CD276: variants seen among roughly 807,000 people sequenced by gnomAD.
The protein encoded by CD276 is CD276 molecule, also known as CD276 antigen.
CD276 carries 34 observed loss-of-function variants against 50.0 expected under a neutral mutation model. The observed-to-expected ratio is 0.68, with a 90% CI of 0.52 to 0.91. The LOEUF (loss-of-function observed/expected upper bound fraction) is 0.91, where lower values mean the gene tolerates loss of function less well. CD276 is among the 40% of genes least tolerant of loss of function. The probability of loss-of-function intolerance (pLI) is 0.00; values close to 1 mark genes in which losing one functional copy is unlikely to be tolerated. For synonymous variants in CD276, 275 were observed against 313.0 expected, an observed-to-expected ratio of 0.88 and a Z score of 1.28; for missense variants, 634 against 717.5, an observed-to-expected ratio of 0.88 and a Z score of 1.33.
At position 73,702,954 on chromosome 15, in the gene CD276, T is replaced by C; in HGVS notation, c.601T>C (p.Leu201=). ...GTCGCAGATGGCCAACGAGCAGGGCTTGTTTGATGTGCACAGCATCCTGCG... is the reference window on the plus strand; with the variant it reads ...GTCGCAGATGGCCAACGAGCAGGGCCTGTTTGATGTGCACAGCATCCTGCG... ...TTSQMANEQG[L]FDVHSILRVV... Residue 201 remains leucine, a synonymous_variant, in exon 4 of 10, where the codon TTG becomes CTG. Coordinates refer to ENST00000318443, the MANE Select transcript of CD276 (RefSeq NM_001024736.2). The C allele has an allele frequency of 1.2e-6, 2 of 1,614,124 alleles. No homozygotes were observed. Among genetic ancestry groups the C allele is most frequent in the South Asian group, 2.2e-5 (2 of 91,072 alleles).
intron 1 of CD276, among the ~76,000 whole-genome samples, chr15:73,696,501 C>CA (rs1900184094): frequency 6.6e-6 from 1 of 151,942 alleles, no homozygotes; most frequent in Non-Finnish European, 1.5e-5. Context: ...TCTGGGCTGT[C>CA]AAACTGCTTC....
At chr15:73,708,737 C>A in intron 7 of CD276, 1 of 501,120 alleles carries the variant, frequency 2.0e-6, no homozygotes, top group Non-Finnish European at 3.6e-6. Context: ...AGGCCAAGTG[C>A]TACAAAGGGA....
rs751833994 is a variant in CD276, at chr15:73,702,488, G to T, written c.313G>T (p.Ala105Ser). Reference protein sequence around the residue: ...LFPDLLAQGNASLRLQRVRVA... With the variant: ...LFPDLLAQGNSSLRLQRVRVA... ...CCCGGACCTGCTGGCACAGGGCAAC[G>T]CATCCCTGAGGCTGCAGCGCGTGCG... is the stretch of plus-strand genomic sequence containing the variant. Residue 105 changes from alanine to serine, a missense_variant, in exon 3 of 10, where the codon GCA becomes TCA. Physicochemically the swap from Ala to Ser is moderately conservative, Grantham distance 99. Coordinates refer to ENST00000318443, the MANE Select transcript of CD276 (RefSeq NM_001024736.2). The T allele has an allele frequency of 6.2e-6, 10 of 1,613,404 alleles. No homozygotes were observed. The Admixed American group carries it at 1.7e-4, about 27-fold the overall frequency.
intron 1 of CD276, among the ~76,000 whole-genome samples, chr15:73,689,227 T>C (rs1169606660): frequency 6.6e-6 from 1 of 150,838 alleles, no homozygotes; most frequent in African/African-American, 2.4e-5. Flanking sequence ...TGTGTGTGTG[T>C]GTACACATTT....
intron 7 of CD276, 65 bp downstream of exon 7, chr15:73,708,538 C>A: frequency 6.5e-7 from 1 of 1,533,580 alleles, no homozygotes; most frequent in South Asian, 1.2e-5. Flanking sequence ...ATGTTGCTGT[C>A]TTTGATGTCA....
At chr15:73,686,488 T>C (rs1216088746) in intron 1 of CD276, among the ~76,000 whole-genome samples, 1 of 152,188 alleles carries the variant, frequency 6.6e-6, no homozygotes, top group Non-Finnish European at 1.5e-5. Context: ...GAAAGGACAG[T>C]TATAGAAGTG....
Position 73,687,125 on chromosome 15 carries a change from G to A in CD276, c.-55+2665G>A, listed in dbSNP as rs949171012. Reference sequence around the variant, plus strand: ...CTCAGAATGGACCCCACACCTGGAAGGGGGCCACGTGTACAGTTATGCAAC... The same window carrying A: ...CTCAGAATGGACCCCACACCTGGAAAGGGGCCACGTGTACAGTTATGCAAC... On this transcript the variant is annotated intron_variant, in intron 1 of 9. Transcript: ENST00000318443. The surrounding 1 kb of genome is among the most constrained non-coding windows in gnomAD (Gnocchi z 4.0). Among the ~76,000 whole-genome samples, 4 of 152,160 alleles carry A rather than the reference G, an allele frequency of 2.6e-5. No individual in the cohort carries two copies. In the South Asian group the frequency reaches 8.3e-4, roughly 32 times the overall value.
At chr15:73,688,836 C>A (rs1354476765) in intron 1 of CD276, among the ~76,000 whole-genome samples, 3 of 152,186 alleles carry the variant, frequency 2.0e-5, no homozygotes, top group African/African-American at 7.2e-5. Flanking sequence ...TAAGCTGAGC[C>A]TCTTTCAGGG....
rs918895056 is a variant in CD276, at chr15:73,699,514, A to G, written c.-54-72A>G. 2.6e-6 allele frequency: 4 copies of G among 1,528,698 alleles called. No individual in the cohort carries two copies. In the African/African-American group the frequency reaches 4.1e-5, roughly 16 times the overall value. 94.7% of individuals were successfully genotyped at this position (1,528,698 alleles called of 1,614,324 possible). On this transcript the variant is annotated intron_variant, in intron 1 of 9. Transcript: ENST00000318443. ...GTTGCAGCCTTCCCCACTCTGGTCC[A>G]GGAGAGATGAGGCAAGAGATGGTCT...
rs1271465785 is a variant in CD276, at chr15:73,712,998, AC to A, written c.*45del. Reference sequence around the variant, plus strand: ...GCTGCTACCCCTCCCTACAGCTCCTACCCTCTGGCTGCAATGGGGCTGCACT... The same window carrying A: ...GCTGCTACCCCTCCCTACAGCTCCTACCTCTGGCTGCAATGGGGCTGCACT... On this transcript the variant is annotated 3_prime_UTR_variant, in exon 10 of 10. Coordinates refer to ENST00000318443, the MANE Select transcript of CD276 (RefSeq NM_001024736.2). The A allele has an allele frequency of 6.3e-7, 1 of 1,599,392 alleles. No homozygotes were observed. The highest frequency in any genetic ancestry group is 2.2e-5 in the East Asian group (1 of 44,730).
In CD276 at chr15:73,714,501, T is replaced by C. The variant is rs1901048930; in HGVS notation, c.*1545T>C. The C allele has an allele frequency of 6.6e-6, 1 of 152,302 alleles. No individual in the cohort carries two copies. The highest frequency in any genetic ancestry group is 6.5e-5 in the Admixed American group (1 of 15,286). The allele number at this position is 152,302 out of a possible 1,614,324, so 9.4% of individuals were successfully genotyped here. A position where few individuals can be genotyped will look rare whatever the true frequency, so the allele number is the denominator to read the frequency against. On this transcript the variant is annotated 3_prime_UTR_variant, in exon 10 of 10. Transcript: ENST00000318443. ...GGGGGTATATTTTGGGGAAAATAAA[T>C]GTCTTTGTAAAAAGCTTTTTCTCTG...
At chr15:73,712,701 G>T (rs989749706) in intron 9 of CD276, among the ~76,000 whole-genome samples, 3 of 152,166 alleles carry the variant, frequency 2.0e-5, no homozygotes, top group Non-Finnish European at 2.9e-5. Flanking sequence ...CTGAGAGGGG[G>T]CTGCGTGAGG....
At chr15:73,707,971 C>G (rs1320608278) in intron 6 of CD276, among the ~76,000 whole-genome samples, 1 of 152,238 alleles carries the variant, frequency 6.6e-6, no homozygotes, top group Non-Finnish European at 1.5e-5. Context: ...GAAGCTGAGG[C>G]TCCTACAGTA....
chr15:73,709,161 CT>C (rs1325327395), intron 7 of CD276, among the ~76,000 whole-genome samples: 1 of 151,884 alleles, frequency 6.6e-6, no homozygotes, highest in Non-Finnish European at 1.5e-5. Context: ...TTGGTTACAT[CT>C]GTTGGAGGTT....
At chr15:73,698,572 A>G (rs1179387653) in intron 1 of CD276, among the ~76,000 whole-genome samples, 2 of 151,522 alleles carry the variant, frequency 1.3e-5, no homozygotes, top group Non-Finnish European at 2.9e-5. Context: ...TTTTATTTTT[A>G]TTTTTTGAGA....
intron 1 of CD276, chr15:73,684,667 C>T (rs1216124561): frequency 1.3e-5 from 2 of 152,210 alleles, no homozygotes; most frequent in Admixed American, 6.5e-5. Flanking sequence ...CGCGGGCGCC[C>T]CTCCTGCCCT....
intron 6 of CD276, among the ~76,000 whole-genome samples, chr15:73,706,437 A>C (rs1900654165): frequency 6.6e-6 from 1 of 151,578 alleles, no homozygotes; most frequent in South Asian, 2.1e-4. Flanking sequence ...TCAATGCAGC[A>C]GTTTGCACAT....
intron 9 of CD276, chr15:73,711,372 G>A (rs1249761992): frequency 1.0e-5 from 6 of 594,244 alleles, no homozygotes; most frequent in Non-Finnish European, 1.8e-5. Context: ...AAATACGACA[G>A]AGGCTTAAGC....
At chr15:73,686,057 C>T (rs1165800065) in intron 1 of CD276, among the ~76,000 whole-genome samples, 1 of 152,120 alleles carries the variant, frequency 6.6e-6, no homozygotes, top group Non-Finnish European at 1.5e-5. Context: ...ATGAAATTTT[C>T]CTTCATGACT....
Sources: gnomAD v4.1 joint callset for allele counts (sites outside exome capture counted in the v4.1 genomes callset) on GRCh38, gnomAD v4.1.1 for gene constraint, Gnocchi (gnomAD v3.1) non-coding constraint, MANE v1.5 for transcripts, NCBI Gene and HGNC (gene_info 2026-07-23, HGNC 2026-07-21) for gene names.